Variants in HCN1 observed in about 807,000 individuals in gnomAD.
HCN1 encodes hyperpolarization activated cyclic nucleotide gated potassium channel 1.
In HCN1, 13 loss-of-function variants were observed where a neutral mutation model predicts 78.9. The ratio of observed to expected loss-of-function variants is 0.16; its 90% CI spans 0.11 to 0.26. The LOEUF is 0.26. Ranked by LOEUF, HCN1 falls within the 10% of genes least tolerant of loss-of-function variation. HCN1 has a pLI of 1.00. For synonymous variants in HCN1, 552 were observed against 455.5 expected (o/e 1.21, Z -2.70); for missense variants, 810 against 1,154.3 (o/e 0.70, Z 4.32).
chr5:45,551,366 A>G (rs552287881), intron 2 of HCN1, among the ~76,000 whole-genome samples: 1 of 152,074 alleles, frequency 6.6e-6, no homozygotes, highest in East Asian at 1.9e-4. Flanking sequence ...GCAGACTTCA[A>G]TAAAATCTCC....
At chr5:45,344,608 A>G (rs1405064032) in intron 5 of HCN1, among the ~76,000 whole-genome samples, 2 of 152,198 alleles carry the variant, frequency 1.3e-5, no homozygotes, top group Non-Finnish European at 2.9e-5. Context: ...TGAAGAGGTA[A>G]AGGCCTCATG....
At chr5:45,354,070 T>G (rs1746964376) in intron 4 of HCN1, among the ~76,000 whole-genome samples, 1 of 151,488 alleles carries the variant, frequency 6.6e-6, no homozygotes. Context: ...AGAGAGATTG[T>G]TTGTAAGTAG....
chr5:45,459,875 T>C (rs1741110790), intron 3 of HCN1, among the ~76,000 whole-genome samples: 1 of 152,092 alleles, frequency 6.6e-6, no homozygotes, highest in Non-Finnish European at 1.5e-5. Context: ...CCTTTTCTTC[T>C]CCTGAAAAAT....
At chr5:45,583,010 G>A (rs1273785824) in intron 2 of HCN1, among the ~76,000 whole-genome samples, 2 of 151,972 alleles carry the variant, frequency 1.3e-5, no homozygotes, top group African/African-American at 4.8e-5. Context: ...TCTCTGCCAG[G>A]GTTTGGTATC....
intron 2 of HCN1, among the ~76,000 whole-genome samples, chr5:45,594,839 G>T (rs1256071630): frequency 1.3e-5 from 2 of 152,150 alleles, no homozygotes; most frequent in African/African-American, 2.4e-5. Context: ...TATGGTGACA[G>T]TACAGAAGTT....
intron 5 of HCN1, among the ~76,000 whole-genome samples, chr5:45,317,722 AAAAC>A (rs1453937161): frequency 4.6e-5 from 7 of 152,152 alleles, no homozygotes; most frequent in Admixed American, 4.6e-4. Flanking sequence ...TTACAAGAAA[AAAAC>A]AAACAACCCC....
intron 2 of HCN1, among the ~76,000 whole-genome samples, chr5:45,491,129 G>A (rs138893263): frequency 5.9e-5 from 9 of 152,136 alleles, no homozygotes; most frequent in Admixed American, 2.0e-4. Flanking sequence ...AGTAATAAGC[G>A]AATCACACTC....
At chr5:45,352,324 A>G (rs772010219) in intron 5 of HCN1, among the ~76,000 whole-genome samples, 31 of 151,612 alleles carry the variant, frequency 2.0e-4, no homozygotes, top group Non-Finnish European at 3.7e-4. Context: ...GAATTGAACA[A>G]TGAGAACACA....
intron 5 of HCN1, among the ~76,000 whole-genome samples, chr5:45,306,213 C>T (rs1745730816): frequency 6.6e-6 from 1 of 151,954 alleles, no homozygotes; most frequent in Admixed American, 6.6e-5. Context: ...TAAGAGTTTT[C>T]ATATAAAAAT....
chr5:45,403,705 A>G (rs1357941126), intron 3 of HCN1, among the ~76,000 whole-genome samples: 2 of 152,170 alleles, frequency 1.3e-5, no homozygotes, highest in African/African-American at 4.8e-5. Flanking sequence ...AAACCATATC[A>G]GGGCTCAAGG....
chr5:45,548,808 C>T (rs894856947), intron 2 of HCN1, among the ~76,000 whole-genome samples: 10 of 152,124 alleles, frequency 6.6e-5, no homozygotes, highest in African/African-American at 2.2e-4. Flanking sequence ...TCTCAGGATA[C>T]AAAATCAATG....
intron 5 of HCN1, among the ~76,000 whole-genome samples, chr5:45,352,510 A>G (rs1238323461): frequency 6.6e-6 from 1 of 152,102 alleles, no homozygotes; most frequent in Non-Finnish European, 1.5e-5. Flanking sequence ...TGTACCCTAA[A>G]ACTTAAAGTA....
At chr5:45,636,045 T>C (rs1745352172) in intron 2 of HCN1, among the ~76,000 whole-genome samples, 1 of 152,106 alleles carries the variant, frequency 6.6e-6, no homozygotes, top group South Asian at 2.1e-4. Context: ...ATTAGATAAG[T>C]ATATTTAACA....
At chr5:45,325,616 T>C (rs1033504652) in intron 5 of HCN1, among the ~76,000 whole-genome samples, 2 of 151,702 alleles carry the variant, frequency 1.3e-5, no homozygotes, top group African/African-American at 4.8e-5. Flanking sequence ...GCATTTCCAA[T>C]GGACTTATAT....
intron 1 of HCN1, among the ~76,000 whole-genome samples, chr5:45,690,245 T>C (rs1254628469): frequency 1.3e-5 from 2 of 152,126 alleles, no homozygotes; most frequent in South Asian, 2.1e-4. Context: ...AATAAAATTA[T>C]AAGTTGTAAA....
At chr5:45,317,642 A>G (rs368831526) in intron 5 of HCN1, among the ~76,000 whole-genome samples, 1 of 152,174 alleles carries the variant, frequency 6.6e-6, no homozygotes, top group African/African-American at 2.4e-5. Flanking sequence ...ACAGAATGGG[A>G]GAAAATTTTT....
At position 45,279,598 on chromosome 5, in the gene HCN1, C is replaced by T. The variant is rs938921766; in HGVS notation, c.1619-12345G>A. On this transcript the variant is annotated intron_variant, in intron 6 of 7. Transcript: ENST00000303230. The stretch of plus-strand genomic sequence containing the variant: ...TACTAGTAGAAGAGTATAAATCTAA[C>T]GAATTAGTAGAATAGTGTAACAAAA... 5.9e-4 allele frequency among the ~76,000 whole-genome samples: 90 copies of T among 152,058 alleles called. 1 individual carries two copies. The highest frequency in any genetic ancestry group is 9.7e-4 in the East Asian group (5 of 5,172).
At chr5:45,456,159 T>C (rs1741025545) in intron 3 of HCN1, among the ~76,000 whole-genome samples, 1 of 152,000 alleles carries the variant, frequency 6.6e-6, no homozygotes, top group African/African-American at 2.4e-5. Flanking sequence ...TAGAGGCTTA[T>C]TAATTTTGAC....
intron 4 of HCN1, among the ~76,000 whole-genome samples, chr5:45,389,284 C>T (rs1318023560): frequency 6.6e-6 from 1 of 152,066 alleles, no homozygotes; most frequent in Non-Finnish European, 1.5e-5. Flanking sequence ...TCTTACTTCT[C>T]ATCTTTCAGG....
Sources: allele counts gnomAD v4.1 joint callset (sites outside exome capture counted in the v4.1 genomes callset), GRCh38; gene constraint gnomAD v4.1.1; transcripts MANE v1.5; gene names NCBI Gene and HGNC (gene_info 2026-07-23, HGNC 2026-07-21).